Variants in EXOC5 observed in about 807,000 individuals in gnomAD.
EXOC5 encodes SEC10-like 1.
EXOC5 carries 17 observed loss-of-function variants against 90.8 expected under a neutral mutation model. The observed-to-expected ratio is 0.19, with a 90% CI of 0.13 to 0.28. The LOEUF is 0.28. Ranked by LOEUF, EXOC5 falls within the 10% of genes least tolerant of loss-of-function variation. The pLI is 1.00. For synonymous variants in EXOC5, 260 were observed against 270.0 expected, an observed-to-expected ratio of 0.96 and a Z score of 0.36; for missense variants, 569 against 830.6, an observed-to-expected ratio of 0.69 and a Z score of 3.87.
Position 57,234,537 on chromosome 14 carries a change from G to GTA in EXOC5, c.670-507_670-506dup, listed in dbSNP as rs1207873435. Among the ~76,000 whole-genome samples, 917 of 141,158 alleles carry GTA rather than the reference G, an allele frequency of 6.5e-3. 2 individuals carry two copies. The highest frequency in any genetic ancestry group is 0.01 in the African/African-American group (398 of 38,708). The allele number at this position is 141,158 out of a possible 152,430, so 92.6% of individuals were successfully genotyped here. A position where few individuals can be genotyped will look rare whatever the true frequency, so the allele number is the denominator to read the frequency against. ...TGTGTGTGTGTGTGTGTGTGTGTGT[G>GTA]TATATATATATATATGTGTATATAT... On this transcript the variant is annotated intron_variant, in intron 7 of 17. Coordinates refer to ENST00000621441, the MANE Select transcript of EXOC5 (RefSeq NM_006544.4).
rs977492644 is a variant in EXOC5, at chr14:57,204,983, G to C, written c.*3626C>G. 1.3e-5 allele frequency: 2 copies of C among 151,910 alleles called. No homozygotes were observed. The highest frequency in any genetic ancestry group is 2.9e-5 in the Non-Finnish European group (2 of 67,838). 9.4% of individuals were successfully genotyped at this position (151,910 alleles called of 1,614,324 possible). A position where few individuals can be genotyped will look rare whatever the true frequency, so the allele number is the denominator to read the frequency against. The stretch of plus-strand genomic sequence containing the variant: ...GCATATAGAACCTAAAAGTGAGTGA[G>C]AAAAGATTTAGGTTTCAATCTGAGC... On this transcript the variant is annotated 3_prime_UTR_variant, in exon 18 of 18. Transcript: ENST00000621441.
chr14:57,214,643 T>C (rs551503184), intron 15 of EXOC5, among the ~76,000 whole-genome samples: 8 of 152,246 alleles, frequency 5.3e-5, no homozygotes, highest in Non-Finnish European at 8.8e-5. Context: ...GTACATGTTA[T>C]GTGATATTCT....
chr14:57,209,750 T>C lies in EXOC5; in HGVS notation c.1755A>G (p.Lys585=), dbSNP rs1357131460. 1.2e-6 allele frequency: 2 copies of C among 1,611,956 alleles called. No homozygotes were observed. The highest frequency in any genetic ancestry group is 1.7e-6 in the Non-Finnish European group (2 of 1,178,832). The change falls in exon 17 of 18, where the codon AAA becomes AAG. Residue 585 remains lysine, a synonymous_variant. Coordinates refer to ENST00000621441, the MANE Select transcript of EXOC5 (RefSeq NM_006544.4). The part of the protein sequence containing the change: ...ACVKVCAYVR[K]QVEKIKNSMD... ...TGGAATTTTTAATCTTCTCCACTTG[T>C]TTTCTTACGTAAGCACAGACTTTTA... is the stretch of plus-strand genomic sequence containing the variant.
intron 10 of EXOC5, 96 bp from the exon 11 acceptor site, chr14:57,231,811 C>T (rs1430760610): frequency 1.3e-6 from 1 of 793,572 alleles, no homozygotes; most frequent in Non-Finnish European, 2.0e-6. Context: ...ACTTTCATGA[C>T]TTATGTTAAG....
At chr14:57,249,435 T>C (rs1488239022) in intron 1 of EXOC5, among the ~76,000 whole-genome samples, 1 of 99,830 alleles carries the variant, frequency 1.0e-5, no homozygotes, top group East Asian at 2.3e-4. Context: ...TTTAATATAT[T>C]TTTATTAAAT....
Position 57,247,737 on chromosome 14 carries a change from A to T in EXOC5, c.28-25T>A. ...CCTAGTTTACAAAAAAATACGCTTT[A>T]ACAAAGTTTCATATACAAGTACTTA... On this transcript the variant is annotated intron_variant, in intron 1 of 17. Coordinates refer to ENST00000621441, the MANE Select transcript of EXOC5 (RefSeq NM_006544.4). The T allele has an allele frequency of 2.3e-6, 3 of 1,297,392 alleles. No homozygotes were observed. In the South Asian group the frequency reaches 4.4e-5, roughly 19 times the overall value. The allele number at this position is 1,297,392 out of a possible 1,614,324, so 80.4% of individuals were successfully genotyped here.
intron 4 of EXOC5, 99 bp downstream of exon 4, chr14:57,244,066 G>A: frequency 1.3e-6 from 1 of 743,394 alleles, no homozygotes; most frequent in Admixed American, 2.7e-5. Flanking sequence ...CAGCTACTCA[G>A]TGATTTGAAG....
At chr14:57,246,407 G>C (rs1019182424) in intron 3 of EXOC5, among the ~76,000 whole-genome samples, 2 of 152,140 alleles carry the variant, frequency 1.3e-5, no homozygotes, top group Admixed American at 1.3e-4. Flanking sequence ...CTAAAACTAG[G>C]GGTCTACTGA....
At chr14:57,239,867 A>C (rs946829438) in intron 4 of EXOC5, among the ~76,000 whole-genome samples, 2 of 152,208 alleles carry the variant, frequency 1.3e-5, no homozygotes, top group Non-Finnish European at 2.9e-5. Context: ...ATAATAACAT[A>C]AACATTTAGC....
intron 11 of EXOC5, among the ~76,000 whole-genome samples, chr14:57,231,066 T>C (rs1373330798): frequency 2.0e-5 from 3 of 151,484 alleles, no homozygotes; most frequent in East Asian, 1.9e-4. Context: ...TGGAGTGCAG[T>C]GGCGTAATCT....
intron 6 of EXOC5, among the ~76,000 whole-genome samples, chr14:57,236,249 A>G (rs976105445): frequency 1.1e-4 from 16 of 150,392 alleles, no homozygotes; most frequent in African/African-American, 3.7e-4. Flanking sequence ...ACCAAATCTC[A>G]TCCTGATAAT....
Position 57,202,601 on chromosome 14 carries a change from G to T in EXOC5, c.*6008C>A, listed in dbSNP as rs1028872789. On this transcript the variant is annotated 3_prime_UTR_variant, in exon 18 of 18. Transcript: ENST00000621441. Reference sequence around the variant, plus strand: ...CACTAATCAGTAGATTCTTATTAGAGTTGATAAAGGAATTCAATGTGATAT... The same window carrying T: ...CACTAATCAGTAGATTCTTATTAGATTTGATAAAGGAATTCAATGTGATAT... 6.6e-6 allele frequency: 1 copy of T among 152,158 alleles called. No individual in the cohort carries two copies. The highest frequency in any genetic ancestry group is 6.6e-5 in the Admixed American group (1 of 15,264). 9.4% of individuals were successfully genotyped at this position (152,158 alleles called of 1,614,324 possible).
chr14:57,233,825 T>A lies in EXOC5; in HGVS notation c.773A>T (p.Asn258Ile), dbSNP rs1476893941. ...EDAGILCQRVNKQVGDIFSNP... is the reference protein window; with the variant it reads ...EDAGILCQRVIKQVGDIFSNP... Reference sequence around the variant, plus strand: ...ACTGAAGATATCTCCAACTTGTTTGTTCACTCTTTGACAGAGTATTCCAGC... The same window carrying A: ...ACTGAAGATATCTCCAACTTGTTTGATCACTCTTTGACAGAGTATTCCAGC... The change falls in exon 9 of 18, where the codon AAC becomes ATC. Residue 258 changes from asparagine (N) to isoleucine (I), a missense_variant. Asn to Ile is a moderately radical substitution (Grantham distance 149). Around this residue, in one of 9 missense-constraint regions of EXOC5, gnomAD observed 114 missense variants for 111.2 expected, o/e 1.03. Coordinates refer to ENST00000621441, the MANE Select transcript of EXOC5 (RefSeq NM_006544.4). 3 of 1,607,114 alleles carry A rather than the reference T, an allele frequency of 1.9e-6. No homozygotes were observed. Among genetic ancestry groups the A allele is most frequent in the Non-Finnish European group, 2.6e-6 (3 of 1,173,830 alleles).
chr14:57,201,286 G>A lies in EXOC5; in HGVS notation c.*7323C>T, dbSNP rs1342765143. 2 of 151,766 alleles carry A rather than the reference G, an allele frequency of 1.3e-5. 1 individual carries two copies. Among genetic ancestry groups the A allele is most frequent in the South Asian group, 4.2e-4 (2 of 4,816 alleles). The allele number at this position is 151,766 out of a possible 1,614,324, so 9.4% of individuals were successfully genotyped here. A position where few individuals can be genotyped will look rare whatever the true frequency, so the allele number is the denominator to read the frequency against. Reference sequence around the variant, plus strand: ...AAAAATGATGGGAACATGCCAAAACGACACAGGAGACAACCTGAAGAGGCT... The same window carrying A: ...AAAAATGATGGGAACATGCCAAAACAACACAGGAGACAACCTGAAGAGGCT... On this transcript the variant is annotated 3_prime_UTR_variant, in exon 18 of 18. Transcript: ENST00000621441.
chr14:57,233,428 C>T (rs1172633749), intron 9 of EXOC5, among the ~76,000 whole-genome samples: 2 of 151,928 alleles, frequency 1.3e-5, no homozygotes, highest in East Asian at 1.9e-4. Flanking sequence ...TCACAAATGA[C>T]ATCTATTGGT....
Position 57,226,043 on chromosome 14 carries a change from G to A in EXOC5, c.1297-3627C>T, listed in dbSNP as rs1015027084. ...ATCTACATTTTTACATAAACAATAG[G>A]ACAGAGGAAGCAATCAGATACGCAT... On this transcript the variant is annotated intron_variant, in intron 12 of 17. Coordinates refer to ENST00000621441, the MANE Select transcript of EXOC5 (RefSeq NM_006544.4). Among the ~76,000 whole-genome samples the A allele has an allele frequency of 2.0e-5, 3 of 152,196 alleles. No individual in the cohort carries two copies. The South Asian group carries it at 6.2e-4, about 32-fold the overall frequency.
rs1884046186 is a variant in EXOC5, at chr14:57,246,819, C to T, written c.162G>A (p.Gln54=). 1.3e-6 allele frequency: 2 copies of T among 1,593,640 alleles called. No individual in the cohort carries two copies. Among genetic ancestry groups the T allele is most frequent in the African/African-American group, 2.7e-5 (2 of 74,190 alleles). Residue 54 remains glutamine (Q), a synonymous_variant, in exon 3 of 18, where the codon CAG becomes CAA. Transcript: ENST00000621441. ...EEFVNHIQEL[Q]IMDERIQRKV... is the part of the protein sequence containing the mutation. ...TCCTCTGAATCCTTTCATCCATTAT[C>T]TGGAGTTCCTGAATATGATTTACAA...
At chr14:57,226,581 C>T (rs556971910) in intron 12 of EXOC5, among the ~76,000 whole-genome samples, 1 of 152,214 alleles carries the variant, frequency 6.6e-6, no homozygotes, top group Non-Finnish European at 1.5e-5. Flanking sequence ...AGGACTTACA[C>T]TACCCGATTC....
At chr14:57,229,937 T>G (rs1483838892) in intron 11 of EXOC5, 56 bp from the exon 12 acceptor site, 1 of 1,113,262 alleles carries the variant, frequency 9.0e-7, no homozygotes, top group Non-Finnish European at 1.2e-6. Flanking sequence ...AGATTTCAAC[T>G]TTGAGTACTT....
Sources: gnomAD v4.1 joint callset for allele counts (sites outside exome capture counted in the v4.1 genomes callset) on GRCh38, gnomAD v4.1.1 for gene constraint, gnomAD v4.1.1 regional missense constraint, MANE v1.5 for transcripts, NCBI Gene and HGNC (gene_info 2026-07-23, HGNC 2026-07-21) for gene names.